The following OTUD7A variants were observed in gnomAD, a reference collection of about 807,000 sequenced individuals.
The protein encoded by OTUD7A is OTU deubiquitinase 7A.
A neutral mutation model predicts 65.7 loss-of-function variants in OTUD7A; 12 were observed. That is an observed-to-expected ratio of 0.18 (90% CI 0.12 to 0.30). The LOEUF is 0.30. Ranked by LOEUF, OTUD7A falls within the 10% of genes least tolerant of loss-of-function variation. OTUD7A has a pLI of 1.00. For synonymous variants in OTUD7A, 641 were observed against 586.3 expected (o/e 1.09, Z -1.35); for missense variants, 1,148 against 1,304.8 (o/e 0.88, Z 1.85).
chr15:31,490,723 C>G (rs950998374), intron 10 of OTUD7A, among the ~76,000 whole-genome samples: 1 of 152,190 alleles, frequency 6.6e-6, no homozygotes. Flanking sequence ...TTCACATGCA[C>G]CTGCAGGCTC....
chr15:31,745,854 AT>A (rs558732868), intron 1 of OTUD7A, among the ~76,000 whole-genome samples: 2,564 of 152,278 alleles, frequency 0.017, 80 homozygotes, highest in African/African-American at 0.059. Context: ...AGATTATCCA[AT>A]TTTTTTAAAA....
chr15:31,849,497 G>A (rs1185119029), intron 1 of OTUD7A, among the ~76,000 whole-genome samples: 1 of 152,118 alleles, frequency 6.6e-6, no homozygotes, highest in African/African-American at 2.4e-5. Flanking sequence ...GCATGGGCAA[G>A]GACTTCATGA....
chr15:31,734,330 C>T (rs975943955), intron 1 of OTUD7A, among the ~76,000 whole-genome samples: 4 of 152,054 alleles, frequency 2.6e-5, no homozygotes, highest in Non-Finnish European at 5.9e-5. Flanking sequence ...CCATACTGCC[C>T]AAAGCAATTT....
At chr15:31,812,593 T>A (rs578022660) in intron 1 of OTUD7A, among the ~76,000 whole-genome samples, 35 of 152,268 alleles carry the variant, frequency 2.3e-4, no homozygotes, top group Non-Finnish European at 7.4e-5. Context: ...ACCTGCCTCA[T>A]GGAATGCCTA....
chr15:31,672,197 C>T (rs3913614), intron 1 of OTUD7A, among the ~76,000 whole-genome samples: 3,982 of 152,206 alleles, frequency 0.026, 128 homozygotes, highest in African/African-American at 0.075. Flanking sequence ...CAGGGCCATT[C>T]GATATCTGAA....
intron 1 of OTUD7A, among the ~76,000 whole-genome samples, chr15:31,740,623 G>GA (rs1894317484): frequency 1.3e-5 from 2 of 151,780 alleles, no homozygotes; most frequent in Non-Finnish European, 1.5e-5. Flanking sequence ...GCATAAGTGA[G>GA]AGGGGGAAAA....
chr15:31,622,378 C>T (rs1045546870), intron 3 of OTUD7A, among the ~76,000 whole-genome samples: 2 of 152,174 alleles, frequency 1.3e-5, no homozygotes, highest in African/African-American at 2.4e-5. Flanking sequence ...TGGTTCCATT[C>T]GCCCCCTCAC....
chr15:31,794,802 A>G (rs1895910842), intron 1 of OTUD7A, among the ~76,000 whole-genome samples: 2 of 152,198 alleles, frequency 1.3e-5, no homozygotes, highest in Non-Finnish European at 2.9e-5. Flanking sequence ...GCCAATCTTA[A>G]GTTGCAAATA....
intron 8 of OTUD7A, among the ~76,000 whole-genome samples, chr15:31,506,060 G>A (rs2041560003): frequency 6.6e-6 from 1 of 151,654 alleles, no homozygotes; most frequent in Non-Finnish European, 1.5e-5. Flanking sequence ...TTTACTTATC[G>A]AATTAATGTT....
intron 3 of OTUD7A, among the ~76,000 whole-genome samples, chr15:31,622,830 G>A (rs1272137658): frequency 3.3e-5 from 5 of 151,596 alleles, no homozygotes; most frequent in African/African-American, 1.2e-4. Flanking sequence ...TTTGGAGGAG[G>A]AGAGGCACTC....
intron 8 of OTUD7A, among the ~76,000 whole-genome samples, chr15:31,505,646 G>A (rs2041549695): frequency 6.6e-6 from 1 of 152,124 alleles, no homozygotes; most frequent in Non-Finnish European, 1.5e-5. Flanking sequence ...AACTTTGTAA[G>A]AGTGGTAGAG....
In OTUD7A at chr15:31,522,972, C is replaced by T. The variant is rs140921410; in HGVS notation, c.893+3377G>A. 9.8e-5 allele frequency among the ~76,000 whole-genome samples: 15 copies of T among 152,360 alleles called. No individual in the cohort carries two copies. The East Asian group carries it at 2.5e-3, about 25-fold the overall frequency. On this transcript the variant is annotated intron_variant, in intron 8 of 12. Transcript: ENST00000307050. ...GGCTCCCAGAGCAGGATGCAGGGCC[C>T]GCACTGCACCCTTTACCCTCATCCG...
At chr15:31,546,453 G>C (rs1316687719) in intron 5 of OTUD7A, among the ~76,000 whole-genome samples, 2 of 152,136 alleles carry the variant, frequency 1.3e-5, no homozygotes, top group Non-Finnish European at 2.9e-5. Context: ...CCCAGAATTA[G>C]TGTTTGTATA....
intron 1 of OTUD7A, among the ~76,000 whole-genome samples, chr15:31,665,957 T>C (rs113666583): frequency 0.013 from 1,978 of 152,284 alleles, 46 homozygotes; most frequent in African/African-American, 0.045. Flanking sequence ...GTACATTGCG[T>C]TTATTGACTT....
intron 3 of OTUD7A, among the ~76,000 whole-genome samples, chr15:31,592,904 AATATATATATATAT>A (rs1226266359): frequency 0.02 from 1,194 of 59,288 alleles, 68 homozygotes; most frequent in East Asian, 0.039. Context: ...AAAAAAAAAA[AATATATATATATAT>A]ATATATATAT....
intron 8 of OTUD7A, among the ~76,000 whole-genome samples, chr15:31,510,094 T>G (rs2041660772): frequency 6.6e-6 from 1 of 152,158 alleles, no homozygotes; most frequent in Admixed American, 6.5e-5. Context: ...TTTTTTTTTT[T>G]TTCCCTGATT....
chr15:31,587,451 G>T (rs1207839154), intron 3 of OTUD7A, among the ~76,000 whole-genome samples: 1 of 151,842 alleles, frequency 6.6e-6, no homozygotes, highest in African/African-American at 2.4e-5. Flanking sequence ...GCCTGGCCAA[G>T]ATGGTGAAAC....
intron 1 of OTUD7A, among the ~76,000 whole-genome samples, chr15:31,780,739 G>A (rs1895516413): frequency 6.6e-6 from 1 of 152,222 alleles, no homozygotes; most frequent in Non-Finnish European, 1.5e-5. Flanking sequence ...AAAGGGCAAA[G>A]GGAGCCTCTG....
chr15:31,595,863 G>A (rs4779900), intron 3 of OTUD7A, among the ~76,000 whole-genome samples: 48,269 of 151,958 alleles, frequency 0.32, 9,795 homozygotes, highest in African/African-American at 0.58. Context: ...GTCACTGTCA[G>A]TGTCCAGACA....
Sources: gnomAD v4.1 joint callset for allele counts (sites outside exome capture counted in the v4.1 genomes callset) on GRCh38, gnomAD v4.1.1 for gene constraint, MANE v1.5 for transcripts, NCBI Gene and HGNC (gene_info 2026-07-23, HGNC 2026-07-21) for gene names.